The following PCDHA5 variants were observed in gnomAD, a reference collection of about 807,000 sequenced individuals.
The protein encoded by PCDHA5 is protocadherin alpha 5.
In PCDHA5, 43 loss-of-function variants were observed where a neutral mutation model predicts 61.6. That is an observed-to-expected ratio of 0.70 (90% CI 0.55 to 0.90). The LOEUF (loss-of-function observed/expected upper bound fraction) is 0.90, where lower values mean the gene tolerates loss of function less well. PCDHA5 is among the 40% of genes least tolerant of loss of function. PCDHA5 has a pLI of 0.00. For missense variants in PCDHA5, 1,298 were observed against 1,222.7 expected (o/e 1.06, Z -0.92); for synonymous variants, 627 against 543.9 (o/e 1.15, Z -2.13).
chr5:140,924,472 GT>G (rs1436957745), intron 1 of PCDHA5, among the ~76,000 whole-genome samples: 2 of 152,188 alleles, frequency 1.3e-5, no homozygotes, highest in African/African-American at 4.8e-5. Context: ...GAGGTAACTG[GT>G]TTTTAGTGGA....
chr5:140,968,714 G>A, intron 1 of PCDHA5: 1 of 1,614,150 alleles, frequency 6.2e-7, no homozygotes, highest in South Asian at 1.1e-5. Flanking sequence ...GAAGATGGGA[G>A]ATGAGAGTGG....
At chr5:140,927,989 A>T (rs2084847354) in intron 1 of PCDHA5, 1 of 1,614,208 alleles carries the variant, frequency 6.2e-7, no homozygotes, top group African/African-American at 1.3e-5. Flanking sequence ...AGTGTAAAGG[A>T]TGAAGACCTC....
intron 1 of PCDHA5, chr5:140,865,401 G>A (rs1011488006): frequency 6.6e-6 from 1 of 152,158 alleles, no homozygotes; most frequent in Non-Finnish European, 1.5e-5. Flanking sequence ...TATAAATGCT[G>A]AAAAGGAATT....
chr5:140,884,168 A>G (rs1562800814), intron 1 of PCDHA5: 1 of 1,613,300 alleles, frequency 6.2e-7, no homozygotes, highest in South Asian at 1.1e-5. Context: ...GATCAGCACG[A>G]CGCGCCCTCT....
At position 140,941,221 on chromosome 5, in the gene PCDHA5, T is replaced by TTC. The variant is rs1217645089; in HGVS notation, c.2353-37726_2353-37725dup. Among the ~76,000 whole-genome samples the TTC allele has an allele frequency of 5.2e-4, 68 of 131,640 alleles. 1 individual carries two copies. Among genetic ancestry groups the TTC allele is most frequent in the African/African-American group, 2.0e-3 (67 of 33,088 alleles). 86.4% of individuals were successfully genotyped at this position (131,640 alleles called of 152,430 possible). A position where few individuals can be genotyped will look rare whatever the true frequency, so the allele number is the denominator to read the frequency against. Reference sequence around the variant, plus strand: ...TTTCTTCCTTTCTTTCTTCCTTTCTTTCTTTCTTTCTTTCTTTCTTTCTTT... The same window carrying TTC: ...TTTCTTCCTTTCTTTCTTCCTTTCTTTCTCTTTCTTTCTTTCTTTCTTTCTTT... On this transcript the variant is annotated intron_variant, in intron 1 of 3. Transcript: ENST00000529859.
chr5:140,942,701 G>T (rs2093357342), intron 1 of PCDHA5, among the ~76,000 whole-genome samples: 1 of 152,080 alleles, frequency 6.6e-6, no homozygotes, highest in Non-Finnish European at 1.5e-5. Flanking sequence ...TGAGAAATAT[G>T]AAGTAAAAGT....
At chr5:140,836,386 C>A in intron 1 of PCDHA5, 1 of 1,613,722 alleles carries the variant, frequency 6.2e-7, no homozygotes, top group Non-Finnish European at 8.5e-7. Context: ...GTGCTGGTGT[C>A]GCTGGTGGAA....
intron 1 of PCDHA5, chr5:140,881,349 A>G: frequency 2.0e-6 from 2 of 985,302 alleles, no homozygotes; most frequent in Non-Finnish European, 2.4e-6. Flanking sequence ...TCGGGCTACA[A>G]TGCGTGGCTT....
intron 1 of PCDHA5, chr5:140,869,865 T>C (rs782263076): frequency 6.2e-7 from 1 of 1,610,308 alleles, no homozygotes; most frequent in Non-Finnish European, 8.5e-7. Context: ...TTATGGAAAA[T>C]GCTGCTAAAG....
intron 1 of PCDHA5, among the ~76,000 whole-genome samples, chr5:140,872,744 C>T (rs1359908128): frequency 6.6e-6 from 1 of 152,086 alleles, no homozygotes; most frequent in African/African-American, 2.4e-5. Flanking sequence ...TCTAAACTTG[C>T]TAAAGACATG....
chr5:140,928,158 AC>A, intron 1 of PCDHA5: 7 of 1,614,066 alleles, frequency 4.3e-6, no homozygotes, highest in Non-Finnish European at 5.9e-6. Flanking sequence ...ATAGTGGCTC[AC>A]CCCCACTTAG....
Position 141,009,928 on chromosome 5 carries a change from T to C in PCDHA5, c.2802T>C (p.Ser934=), listed in dbSNP as rs373891102. The change falls in exon 4 of 4, where the codon AGT becomes AGC. Residue 934 remains serine (S), a synonymous_variant. Transcript: ENST00000529859. The stretch of plus-strand genomic sequence containing the variant: ...AAGGGAACAGCACGACTGACAACAG[T>C]GACCAGTGAGGTCCTCAAATGGAAA... ...KEKGNSTTDN[S]DQ is the part of the protein sequence containing the mutation. 3 of 1,607,808 alleles carry C rather than the reference T, an allele frequency of 1.9e-6. No homozygotes were observed. The highest frequency in any genetic ancestry group is 2.5e-6 in the Non-Finnish European group (3 of 1,178,138).
intron 1 of PCDHA5, among the ~76,000 whole-genome samples, chr5:140,892,032 T>C (rs1329804086): frequency 6.6e-6 from 1 of 152,222 alleles, no homozygotes; most frequent in African/African-American, 2.4e-5. Context: ...TCTAAGATAC[T>C]TTTATTTATT....
At chr5:140,977,055 A>G (rs1220462981) in intron 1 of PCDHA5, among the ~76,000 whole-genome samples, 1 of 152,234 alleles carries the variant, frequency 6.6e-6, no homozygotes, top group Non-Finnish European at 1.5e-5. Context: ...CTGATGGACT[A>G]GTATAGAAAA....
intron 1 of PCDHA5, among the ~76,000 whole-genome samples, chr5:140,962,792 T>C (rs1554226245): frequency 6.6e-6 from 1 of 152,234 alleles, no homozygotes; most frequent in African/African-American, 2.4e-5. Context: ...AAAAACTACT[T>C]TGGACAACTC....
intron 1 of PCDHA5, among the ~76,000 whole-genome samples, chr5:140,925,742 AAG>A (rs1403200881): frequency 2.0e-5 from 3 of 151,862 alleles, no homozygotes; most frequent in South Asian, 4.2e-4. Context: ...TATTTACAGA[AAG>A]AAAATTTACA....
chr5:140,883,867 C>T (rs2059859396), intron 1 of PCDHA5: 3 of 1,613,138 alleles, frequency 1.9e-6, no homozygotes, highest in Non-Finnish European at 2.5e-6. Flanking sequence ...TGTTGCAGTT[C>T]CAGGTGAGCG....
chr5:140,871,208 C>A (rs782698436), intron 1 of PCDHA5: 1 of 1,613,802 alleles, frequency 6.2e-7, no homozygotes, highest in Non-Finnish European at 8.5e-7. Context: ...CTGATCATCG[C>A]CATCTGCGTG....
intron 1 of PCDHA5, among the ~76,000 whole-genome samples, chr5:140,978,727 G>A (rs1382730289): frequency 1.3e-5 from 2 of 152,198 alleles, no homozygotes; most frequent in South Asian, 2.1e-4. Flanking sequence ...TATTAAATCT[G>A]GTCTTCCAGG....
Sources: allele counts gnomAD v4.1 joint callset (sites outside exome capture counted in the v4.1 genomes callset), GRCh38; gene constraint gnomAD v4.1.1; transcripts MANE v1.5; gene names NCBI Gene and HGNC (gene_info 2026-07-23, HGNC 2026-07-21).